Variants in INSL6 observed in about 807,000 individuals in gnomAD.
INSL6 encodes the protein insulin like 6, also known as insulin-like peptide INSL6.
In INSL6, 16 loss-of-function variants were observed where a neutral mutation model predicts 9.4. That is an observed-to-expected ratio of 1.70 (90% CI 1.15 to 2.59). The LOEUF (loss-of-function observed/expected upper bound fraction) is 2.59, where lower values mean the gene tolerates loss of function less well. Ranked by LOEUF, INSL6 falls within the 30% of genes most tolerant of loss-of-function variation. The pLI, the probability that INSL6 is intolerant of heterozygous loss-of-function variation, is 0.00. For missense variants in INSL6, 391 were observed against 257.3 expected (o/e 1.52, Z -3.56); for synonymous variants, 154 against 96.9 (o/e 1.59, Z -3.46).
the INSL6 span, among the ~76,000 whole-genome samples, chr9:5,049,089 TCAG>T: frequency 8.5e-5 from 13 of 152,346 alleles, no homozygotes; most frequent in South Asian, 2.7e-3. Context: ...AATAAAGTTA[TCAG>T]CCTTTTTTCA....
At chr9:5,074,447 C>A in the INSL6 span, among the ~76,000 whole-genome samples, 1 of 148,252 alleles carries the variant, frequency 6.7e-6, no homozygotes, top group Admixed American at 6.9e-5. Context: ...TTTGGTAATT[C>A]TAGCAACATT....
chr9:5,029,331 T>C, the INSL6 span, among the ~76,000 whole-genome samples: 1 of 152,182 alleles, frequency 6.6e-6, no homozygotes, highest in Admixed American at 6.5e-5. Flanking sequence ...GCACGGTTCA[T>C]AGCGGCCCCA....
the INSL6 span, among the ~76,000 whole-genome samples, chr9:5,040,447 TAA>T: frequency 2.7e-5 from 4 of 150,836 alleles, no homozygotes; most frequent in Non-Finnish European, 2.9e-5. Flanking sequence ...GAAAAATAGT[TAA>T]GTTAGGCTTT....
At chr9:5,030,259 CATCTT>C in the INSL6 span, among the ~76,000 whole-genome samples, 1 of 152,114 alleles carries the variant, frequency 6.6e-6, no homozygotes, top group Non-Finnish European at 1.5e-5. Flanking sequence ...TGCAATTTCA[CATCTT>C]ATCTTTATAA....
Position 5,185,300 on chromosome 9 carries a change from G to A in INSL6, c.289+14C>T, listed in dbSNP as rs1266919853. The A allele has an allele frequency of 6.2e-7, 1 of 1,614,052 alleles. No individual in the cohort carries two copies. The highest frequency in any genetic ancestry group is 8.5e-7 in the Non-Finnish European group (1 of 1,179,984). Reference sequence around the variant, plus strand: ...ACAGAGGTGAACAAACATGCCTTCGGTTTCGATTTTTACCTGGGTTTGTGC... The same window carrying A: ...ACAGAGGTGAACAAACATGCCTTCGATTTCGATTTTTACCTGGGTTTGTGC... On this transcript the variant is annotated intron_variant, in intron 1 of 1. Coordinates refer to ENST00000381641, the MANE Select transcript of INSL6 (RefSeq NM_007179.3).
chr9:5,095,466 C>T, the INSL6 span, among the ~76,000 whole-genome samples: 1 of 151,958 alleles, frequency 6.6e-6, no homozygotes. Context: ...ACAACCCGTC[C>T]TCCGGGCAAT....
the INSL6 span, among the ~76,000 whole-genome samples, chr9:5,060,668 C>T: frequency 1.3e-5 from 2 of 152,282 alleles, no homozygotes; most frequent in South Asian, 4.1e-4. Flanking sequence ...CCATTGAAGT[C>T]GTGAACCCCT....
At chr9:5,151,317 A>T (rs1442294527) in intron 2 of INSL6, among the ~76,000 whole-genome samples, 1 of 152,212 alleles carries the variant, frequency 6.6e-6, no homozygotes, top group Non-Finnish European at 1.5e-5. Context: ...GAAAAATCTG[A>T]TATTAGAATA....
the INSL6 span, chr9:5,080,658 A>G: frequency 1.3e-5 from 20 of 1,590,784 alleles, no homozygotes; most frequent in African/African-American, 2.1e-4. Flanking sequence ...CCATCATACG[A>G]GATCTTAACA....
chr9:5,047,241 G>A, the INSL6 span, among the ~76,000 whole-genome samples: 1 of 152,158 alleles, frequency 6.6e-6, no homozygotes, highest in Non-Finnish European at 1.5e-5. Flanking sequence ...AATGTGACCA[G>A]TGGCATTACC....
At chr9:5,112,537 G>C in the INSL6 span, 3 of 598,294 alleles carry the variant, frequency 5.0e-6, no homozygotes, top group Admixed American at 2.6e-5. Flanking sequence ...GGCCGAGTGG[G>C]AGAAGCAGGT....
At chr9:5,039,479 T>C in the INSL6 span, among the ~76,000 whole-genome samples, 1 of 152,250 alleles carries the variant, frequency 6.6e-6, no homozygotes, top group East Asian at 1.9e-4. Flanking sequence ...ATCAGGAACA[T>C]GAGTATTTGC....
the INSL6 span, among the ~76,000 whole-genome samples, chr9:5,037,916 T>TTAGTGA: frequency 1.3e-5 from 2 of 152,074 alleles, no homozygotes; most frequent in African/African-American, 4.8e-5. Flanking sequence ...AAACATAAGG[T>TTAGTGA]TAGTATTCTT....
At chr9:5,091,253 T>C in the INSL6 span, 10 of 169,898 alleles carry the variant, frequency 5.9e-5, no homozygotes, top group African/African-American at 2.1e-4. Context: ...ATGGGGTTAA[T>C]AGTCTTTTTT....
chr9:5,109,514 A>G, the INSL6 span: 2 of 152,188 alleles, frequency 1.3e-5, no homozygotes, highest in African/African-American at 4.8e-5. Flanking sequence ...TTTTTCCACT[A>G]CTATAATAGC....
intron 1 of INSL6, among the ~76,000 whole-genome samples, chr9:5,166,273 G>C (rs11790841): frequency 0.22 from 33,879 of 151,928 alleles, 4,494 homozygotes; most frequent in South Asian, 0.29. Context: ...AGTCTTTCTA[G>C]GTCCACTTCT....
At chr9:5,164,816 T>C (rs536362512) in intron 1 of INSL6, among the ~76,000 whole-genome samples, 43 of 152,382 alleles carry the variant, frequency 2.8e-4, no homozygotes, top group African/African-American at 9.6e-4. Flanking sequence ...TATCTTTTTA[T>C]GGCTGAATAG....
chr9:4,999,048 A>G, the INSL6 span, among the ~76,000 whole-genome samples: 2 of 151,642 alleles, frequency 1.3e-5, no homozygotes, highest in Admixed American at 6.6e-5. Flanking sequence ...GATGGTCTCG[A>G]TCTCCTGACC....
the INSL6 span, among the ~76,000 whole-genome samples, chr9:5,064,250 G>A: frequency 6.6e-6 from 1 of 152,124 alleles, no homozygotes; most frequent in African/African-American, 2.4e-5. Context: ...GGTATGTAGG[G>A]CTGATGCCGT....
Sources: allele counts gnomAD v4.1 joint callset (sites outside exome capture counted in the v4.1 genomes callset), GRCh38; gene constraint gnomAD v4.1.1; transcripts MANE v1.5; gene names NCBI Gene and HGNC (gene_info 2026-07-23, HGNC 2026-07-21).